FBXW7: variants seen among roughly 807,000 people sequenced by gnomAD.
FBXW7 encodes F-box and WD repeat domain containing 7.
Under a neutral mutation model 86.3 loss-of-function variants are expected in FBXW7, and 11 were observed. The ratio of observed to expected loss-of-function variants is 0.13; its 90% CI spans 0.08 to 0.21. FBXW7 has a LOEUF of 0.21. Ranked by LOEUF, FBXW7 falls within the 10% of genes least tolerant of loss-of-function variation. The probability of loss-of-function intolerance (pLI) is 1.00; values close to 1 mark genes in which losing one functional copy is unlikely to be tolerated. For synonymous variants in FBXW7, 313 were observed against 297.9 expected (o/e 1.05, Z -0.52); for missense variants, 488 against 847.4 (o/e 0.58, Z 5.27).
chr4:152,379,638 C>T (rs1272470730), intron 4 of FBXW7, among the ~76,000 whole-genome samples: 1 of 152,040 alleles, frequency 6.6e-6, no homozygotes, highest in Admixed American at 6.6e-5. Context: ...CCTACCTTGG[C>T]CCCCAAAGTG....
At chr4:152,534,703 T>C (rs960890923) in intron 2 of FBXW7, among the ~76,000 whole-genome samples, 1 of 152,148 alleles carries the variant, frequency 6.6e-6, no homozygotes, top group South Asian at 2.1e-4. Flanking sequence ...GGTGCGAGTA[T>C]TCACTTTGGA....
chr4:152,405,810 C>A (rs900168017), intron 4 of FBXW7, among the ~76,000 whole-genome samples: 2 of 152,020 alleles, frequency 1.3e-5, no homozygotes, highest in African/African-American at 2.4e-5. Flanking sequence ...ACTTTTCTAT[C>A]CACTGACCAG....
chr4:152,377,485 G>C (rs565194915), intron 4 of FBXW7, among the ~76,000 whole-genome samples: 8 of 151,970 alleles, frequency 5.3e-5, no homozygotes, highest in African/African-American at 1.4e-4. Flanking sequence ...AGGCACGGTG[G>C]CTCTGCCTGT....
At chr4:152,462,803 G>A (rs1236213140) in intron 2 of FBXW7, among the ~76,000 whole-genome samples, 2 of 152,052 alleles carry the variant, frequency 1.3e-5, no homozygotes, top group African/African-American at 2.4e-5. Flanking sequence ...GAAGAATCTC[G>A]AAATTCTAAT....
chr4:152,498,562 T>C (rs1746598961), intron 2 of FBXW7, among the ~76,000 whole-genome samples: 1 of 152,206 alleles, frequency 6.6e-6, no homozygotes, highest in African/African-American at 2.4e-5. Flanking sequence ...TGTTGGACAA[T>C]GCAAGCGATA....
At chr4:152,506,210 C>A (rs535306719) in intron 2 of FBXW7, among the ~76,000 whole-genome samples, 1 of 152,198 alleles carries the variant, frequency 6.6e-6, no homozygotes, top group East Asian at 1.9e-4. Flanking sequence ...CAGCTCACTG[C>A]AAGCTCTGCC....
At chr4:152,462,404 T>C (rs1281734113) in intron 2 of FBXW7, among the ~76,000 whole-genome samples, 1 of 152,234 alleles carries the variant, frequency 6.6e-6, no homozygotes, top group Non-Finnish European at 1.5e-5. Context: ...TTTCTGCCTG[T>C]TTTTACACTG....
chr4:152,441,207 T>C (rs1475135737), intron 2 of FBXW7, among the ~76,000 whole-genome samples: 2 of 152,290 alleles, frequency 1.3e-5, no homozygotes, highest in African/African-American at 2.4e-5. Context: ...ACTTGTGATA[T>C]CTCAATCTCA....
rs117481036 is a variant in FBXW7, at chr4:152,332,047, T to C, written c.985+549A>G. Among the ~76,000 whole-genome samples the C allele has an allele frequency of 4.3e-4, 66 of 152,150 alleles. 1 individual carries two copies. The East Asian group carries it at 8.3e-3, about 19-fold the overall frequency. On this transcript the variant is annotated intron_variant, in intron 8 of 13. Coordinates refer to ENST00000281708, the MANE Select transcript of FBXW7 (RefSeq NM_001349798.2). ...TAAAATATTTTGCTTCTGAGGCACA[T>C]AGTATTTTTATATTTTTTCAAAAAT...
chr4:152,369,724 C>T (rs1161378042), intron 4 of FBXW7, among the ~76,000 whole-genome samples: 1 of 151,956 alleles, frequency 6.6e-6, no homozygotes, highest in Admixed American at 6.6e-5. Context: ...GAAAGGATGA[C>T]ACAGAGTAAG....
chr4:152,326,449 T>C (rs567211838), intron 11 of FBXW7, among the ~76,000 whole-genome samples: 13 of 151,856 alleles, frequency 8.6e-5, no homozygotes, highest in African/African-American at 2.9e-4. Context: ...GAATGCTGCA[T>C]GCTTGGTTCC....
chr4:152,399,009 G>A (rs1361395987), intron 4 of FBXW7, among the ~76,000 whole-genome samples: 2 of 152,076 alleles, frequency 1.3e-5, no homozygotes, highest in Non-Finnish European at 2.9e-5. Flanking sequence ...ATATATTGGG[G>A]TTTTGTCAGG....
At chr4:152,413,391 G>A (rs1403493072) in intron 2 of FBXW7, among the ~76,000 whole-genome samples, 1 of 151,970 alleles carries the variant, frequency 6.6e-6, no homozygotes, top group Admixed American at 6.6e-5. Flanking sequence ...GACATGATGG[G>A]AATAGAAATG....
chr4:152,489,714 C>T (rs1388345511), intron 2 of FBXW7, among the ~76,000 whole-genome samples: 1 of 151,890 alleles, frequency 6.6e-6, no homozygotes. Flanking sequence ...AAAATTTAGC[C>T]CACTGTAATC....
At chr4:152,449,255 A>G (rs531819358) in intron 2 of FBXW7, among the ~76,000 whole-genome samples, 1 of 152,350 alleles carries the variant, frequency 6.6e-6, no homozygotes, top group Admixed American at 6.5e-5. Flanking sequence ...AATTTACAGA[A>G]TTGTTTTCAA....
chr4:152,519,830 A>G (rs1430031295), intron 2 of FBXW7, among the ~76,000 whole-genome samples: 3 of 152,238 alleles, frequency 2.0e-5, no homozygotes, highest in Non-Finnish European at 2.9e-5. Context: ...TTAAAAGCAT[A>G]GACCATGGAG....
rs567544390 is a variant in FBXW7 at position 152,467,117 on chromosome 4, G to C, written c.-119-54588C>G. On this transcript the variant is annotated intron_variant, in intron 2 of 13. Transcript: ENST00000281708. Reference sequence around the variant, plus strand: ...CATAATAAACTATTGATATGGTTTGGCTGTGTCCAAACCCAAATCTCATCT... The same window carrying C: ...CATAATAAACTATTGATATGGTTTGCCTGTGTCCAAACCCAAATCTCATCT... Among the ~76,000 whole-genome samples the C allele has an allele frequency of 2.0e-5, 3 of 152,194 alleles. No individual in the cohort carries two copies. In the East Asian group the frequency reaches 5.8e-4, roughly 29 times the overall value.
intron 8 of FBXW7, among the ~76,000 whole-genome samples, chr4:152,331,289 A>G (rs1729539812): frequency 6.6e-6 from 1 of 152,094 alleles, no homozygotes; most frequent in African/African-American, 2.4e-5. Context: ...ACCCATGCTC[A>G]TAGCAGGATT....
chr4:152,360,124 T>C (rs1264878619), intron 4 of FBXW7, among the ~76,000 whole-genome samples: 1 of 152,230 alleles, frequency 6.6e-6, no homozygotes, highest in Non-Finnish European at 1.5e-5. Context: ...ATACTAGAGT[T>C]AAAATGTTAT....
Sources: allele counts gnomAD v4.1 joint callset (sites outside exome capture counted in the v4.1 genomes callset), GRCh38; gene constraint gnomAD v4.1.1; transcripts MANE v1.5; gene names NCBI Gene and HGNC (gene_info 2026-07-23, HGNC 2026-07-21).